KCNMA1: variants seen among roughly 807,000 people sequenced by gnomAD.
KCNMA1 encodes Calcium-activated potassium channel subunit alpha-1.
A neutral mutation model predicts 140.0 loss-of-function variants in KCNMA1; 29 were observed. The ratio of observed to expected loss-of-function variants is 0.21; its 90% CI spans 0.15 to 0.28. The LOEUF is 0.28. Ranked by LOEUF, KCNMA1 falls within the 10% of genes least tolerant of loss-of-function variation. KCNMA1 has a pLI of 1.00. For synonymous variants in KCNMA1, 612 were observed against 611.9 expected (o/e 1.00, Z 0.00); for missense variants, 880 against 1,602.2 (o/e 0.55, Z 7.70).
At chr10:77,073,741 C>T (rs1040400512) in intron 13 of KCNMA1, among the ~76,000 whole-genome samples, 1 of 152,184 alleles carries the variant, frequency 6.6e-6, no homozygotes, top group Non-Finnish European at 1.5e-5. Flanking sequence ...CCCCCACCAG[C>T]ATTTCTGATT....
At chr10:77,242,893 G>T (rs2057614714) in intron 3 of KCNMA1, among the ~76,000 whole-genome samples, 1 of 110,044 alleles carries the variant, frequency 9.1e-6, no homozygotes, top group African/African-American at 3.7e-5. Context: ...GGACATAATT[G>T]TTTCCTACAC....
intron 2 of KCNMA1, among the ~76,000 whole-genome samples, chr10:77,282,659 CCTGA>C (rs1314439207): frequency 1.3e-5 from 2 of 152,090 alleles, no homozygotes; most frequent in South Asian, 2.1e-4. Context: ...TTCTAGGGGT[CCTGA>C]CTATCTCCCC....
At chr10:77,062,677 A>G (rs1054388552) in intron 14 of KCNMA1, among the ~76,000 whole-genome samples, 2 of 152,216 alleles carry the variant, frequency 1.3e-5, no homozygotes, top group Non-Finnish European at 2.9e-5. Flanking sequence ...AATGGGGCAG[A>G]CATATGTATC....
intron 5 of KCNMA1, chr10:77,148,321 G>T (rs754365209): frequency 3.9e-5 from 6 of 152,160 alleles, no homozygotes; most frequent in Non-Finnish European, 5.9e-5. Flanking sequence ...TGAAGAACAC[G>T]GTGAGTTATA....
rs1432866935 is a variant in KCNMA1 at position 77,382,881 on chromosome 10, AAAAAATAT to A, written c.540+20973_540+20980del. On this transcript the variant is annotated intron_variant, in intron 2 of 27. Transcript: ENST00000286628. ...GCTCCGTCTCAAAAAAAAAAAAAAA[AAAAAATAT>A]ATATATATATATATACACACACACA... 3.8e-4 allele frequency among the ~76,000 whole-genome samples: 44 copies of A among 115,480 alleles called. 3 individuals are homozygous for A. Among genetic ancestry groups the A allele is most frequent in the South Asian group, 5.8e-4 (2 of 3,460 alleles). The allele number at this position is 115,480 out of a possible 152,430, so 75.8% of individuals were successfully genotyped here.
At chr10:76,995,561 G>A (rs936944056) in intron 19 of KCNMA1, 3 of 470,924 alleles carry the variant, frequency 6.4e-6, no homozygotes, top group African/African-American at 6.0e-5. Flanking sequence ...AAGGCGGGCT[G>A]GCCCTGGCAT....
intron 8 of KCNMA1, among the ~76,000 whole-genome samples, chr10:77,109,047 C>A (rs1477861934): frequency 7.1e-5 from 10 of 141,480 alleles, no homozygotes; most frequent in African/African-American, 2.5e-4. Flanking sequence ...TTAAAAACTA[C>A]ATTTTTCTAT....
chr10:76,879,576 G>A (rs1589377480), intron 29 of KCNMA1, among the ~76,000 whole-genome samples: 2 of 144,452 alleles, frequency 1.4e-5, no homozygotes, highest in Non-Finnish European at 1.5e-5. Flanking sequence ...GTCAAGCAGA[G>A]TTTTTTTTTT....
chr10:77,229,802 T>C (rs1034353547), intron 3 of KCNMA1, among the ~76,000 whole-genome samples: 32 of 152,098 alleles, frequency 2.1e-4, no homozygotes, highest in Non-Finnish European at 4.4e-5. Context: ...ACAAAATAAG[T>C]TGGCGAGGAT....
At chr10:77,097,090 C>T (rs1286403936) in intron 9 of KCNMA1, among the ~76,000 whole-genome samples, 2 of 152,138 alleles carry the variant, frequency 1.3e-5, no homozygotes, top group African/African-American at 2.4e-5. Flanking sequence ...TGCATCACCA[C>T]CTCTCCATGA....
intron 2 of KCNMA1, among the ~76,000 whole-genome samples, chr10:77,295,476 G>C (rs1448961472): frequency 1.3e-5 from 2 of 151,804 alleles, no homozygotes; most frequent in Non-Finnish European, 2.9e-5. Flanking sequence ...GTGTACACTA[G>C]AGATTGTTAA....
At chr10:77,027,751 G>T in intron 16 of KCNMA1, 72 bp downstream of exon 16, 1 of 1,211,620 alleles carries the variant, frequency 8.3e-7, no homozygotes, top group South Asian at 1.2e-5. Flanking sequence ...AAGCAGAAGT[G>T]AACCGACCGT....
chr10:77,592,297 A>G (rs73291898), intron 1 of KCNMA1, among the ~76,000 whole-genome samples: 2,083 of 152,310 alleles, frequency 0.014, 39 homozygotes, highest in African/African-American at 0.04. Context: ...TCACAAAAGC[A>G]CACTAAGGAG....
At chr10:77,515,762 ACT>A (rs34716835) in intron 1 of KCNMA1, among the ~76,000 whole-genome samples, 65,715 of 151,634 alleles carry the variant, frequency 0.43, 16,100 homozygotes, top group African/African-American at 0.66. Context: ...CTTCCTGAAG[ACT>A]CTGTTCAAGC....
chr10:77,602,868 A>T (rs944791897), intron 1 of KCNMA1, among the ~76,000 whole-genome samples: 2 of 152,204 alleles, frequency 1.3e-5, no homozygotes, highest in Non-Finnish European at 2.9e-5. Context: ...CACCTCCGGG[A>T]ATATGCATTC....
rs889722082 is a variant in KCNMA1 at position 77,420,143 on chromosome 10, G to A, written c.379-16120C>T. Among the ~76,000 whole-genome samples the A allele has an allele frequency of 6.6e-5, 10 of 152,334 alleles. No homozygotes were observed. The East Asian group carries it at 1.2e-3, about 18-fold the overall frequency. On this transcript the variant is annotated intron_variant, in intron 1 of 27. Transcript: ENST00000286628. ...TCTGCTGCCCTGCTGATCCACTGCTGAGGGTAACTCATGGTCCCAGCACAG... is the reference window on the plus strand; with the variant it reads ...TCTGCTGCCCTGCTGATCCACTGCTAAGGGTAACTCATGGTCCCAGCACAG...
At chr10:77,372,602 C>T (rs769087759) in intron 2 of KCNMA1, among the ~76,000 whole-genome samples, 5 of 152,224 alleles carry the variant, frequency 3.3e-5, no homozygotes, top group Non-Finnish European at 5.9e-5. Context: ...TGTTTGCCCA[C>T]ACCTGTTTTT....
chr10:77,088,301 T>C (rs1188951789), intron 10 of KCNMA1, among the ~76,000 whole-genome samples: 1 of 152,088 alleles, frequency 6.6e-6, no homozygotes, highest in Non-Finnish European at 1.5e-5. Context: ...AACAACCCTA[T>C]AGGCAGGTAT....
intron 9 of KCNMA1, among the ~76,000 whole-genome samples, chr10:77,094,655 C>T (rs541511020): frequency 1.2e-3 from 187 of 152,228 alleles, no homozygotes; most frequent in African/African-American, 3.5e-3. Flanking sequence ...TTGGAGCAAG[C>T]TAAGGGGCTG....
Sources: allele counts gnomAD v4.1 joint callset (sites outside exome capture counted in the v4.1 genomes callset), GRCh38; gene constraint gnomAD v4.1.1; transcripts MANE v1.5; gene names NCBI Gene and HGNC (gene_info 2026-07-23, HGNC 2026-07-21).